The following DNMT3B variants were observed in gnomAD, a reference collection of about 807,000 sequenced individuals.
DNMT3B encodes DNA (cytosine-5)-methyltransferase 3B.
In DNMT3B, 37 loss-of-function variants were observed where a neutral mutation model predicts 120.2. The ratio of observed to expected loss-of-function variants is 0.31; its 90% CI spans 0.24 to 0.40. DNMT3B has a LOEUF of 0.40. DNMT3B is among the 10% of genes least tolerant of loss of function. The pLI is 1.00. For synonymous variants in DNMT3B, 412 were observed against 442.8 expected, an observed-to-expected ratio of 0.93 and a Z score of 0.87; for missense variants, 878 against 1,137.3, an observed-to-expected ratio of 0.77 and a Z score of 3.28.
chr20:32,788,354 T>C (rs536324293), intron 6 of DNMT3B, among the ~76,000 whole-genome samples: 1 of 152,360 alleles, frequency 6.6e-6, no homozygotes, highest in East Asian at 1.9e-4. Flanking sequence ...GTCTGGGTCA[T>C]AGCTTAATTA....
At chr20:32,776,508 T>C (rs1227136017) in intron 1 of DNMT3B, among the ~76,000 whole-genome samples, 1 of 152,190 alleles carries the variant, frequency 6.6e-6, no homozygotes, top group East Asian at 1.9e-4. Context: ...CACCTGATGC[T>C]AATTTAATTT....
At chr20:32,800,115 G>T in intron 16 of DNMT3B, 38 bp from the exon 17 acceptor site, 1 of 1,613,832 alleles carries the variant, frequency 6.2e-7, no homozygotes, top group Non-Finnish European at 8.5e-7. Context: ...TGTGTGCTCA[G>T]CATCATTTAT....
At chr20:32,792,478 T>C (rs1273160586) in intron 8 of DNMT3B, 148 bp from the exon 9 acceptor site, 4 of 1,364,728 alleles carry the variant, frequency 2.9e-6, no homozygotes, top group Admixed American at 1.9e-5. Context: ...CCTTCCTCTG[T>C]CACATACCAC....
At chr20:32,771,650 A>C (rs1263666765) in intron 1 of DNMT3B, among the ~76,000 whole-genome samples, 1 of 151,702 alleles carries the variant, frequency 6.6e-6, no homozygotes, top group Non-Finnish European at 1.5e-5. Flanking sequence ...AAAAAAAAAA[A>C]AAAGGAGTGG....
chr20:32,762,506 C>G lies in DNMT3B; in HGVS notation c.-200C>G. 3.6e-6 allele frequency: 1 copy of G among 276,160 alleles called. No individual in the cohort carries two copies. Among genetic ancestry groups the G allele is most frequent in the South Asian group, 2.9e-5 (1 of 34,390 alleles). The allele number at this position is 276,160 out of a possible 1,614,324, so 17.1% of individuals were successfully genotyped here. A position where few individuals can be genotyped will look rare whatever the true frequency, so the allele number is the denominator to read the frequency against. ...CCGACGGACGGGACCGGCTCCCTGG[C>G]GGTCGGGCGAGCGGGCGGCAACGCT... On this transcript the variant is annotated 5_prime_UTR_variant, in exon 1 of 23. Coordinates refer to ENST00000328111, the MANE Select transcript of DNMT3B (RefSeq NM_006892.4).
At chr20:32,802,584 T>C in intron 20 of DNMT3B, 114 bp downstream of exon 20, 1 of 1,107,382 alleles carries the variant, frequency 9.0e-7, no homozygotes. Flanking sequence ...TAGTTATACT[T>C]GGATTTCAGA....
At position 32,798,593 on chromosome 20, in the gene DNMT3B, T is replaced by A; in HGVS notation, c.1624T>A (p.Trp542Arg). ...TGGCGTCCTGCGGCGCCGGAAGGAC[T>A]GGAACGTGCGCCTGCAGGCCTTCTT... The part of the protein sequence containing the change: ...CHGVLRRRKD[W>R]NVRLQAFFTS... Residue 542 changes from tryptophan (W) to arginine (R), a missense_variant, in exon 15 of 23, where the codon TGG (tryptophan) becomes AGG (arginine). This residue lies in a region of DNMT3B where 334 missense variants were observed against 518.8 expected (regional missense o/e 0.64). Transcript: ENST00000328111. 6.2e-7 allele frequency: 1 copy of A among 1,614,228 alleles called. No individual in the cohort carries two copies. Among genetic ancestry groups the A allele is most frequent in the Admixed American group, 1.7e-5 (1 of 60,038 alleles).
intron 1 of DNMT3B, among the ~76,000 whole-genome samples, chr20:32,778,204 C>T (rs541476871): frequency 4.6e-5 from 7 of 152,040 alleles, no homozygotes; most frequent in South Asian, 2.1e-4. Flanking sequence ...GGCGTGGTGG[C>T]GCATGCCTGT....
chr20:32,800,048 T>C (rs921784083), intron 16 of DNMT3B, 105 bp from the exon 17 acceptor site: 17 of 1,509,628 alleles, frequency 1.1e-5, no homozygotes, highest in Middle Eastern at 2.1e-4. Context: ...ACGCATGTGA[T>C]ACAGTCATGA....
chr20:32,767,176 G>A (rs1032248162), intron 1 of DNMT3B, among the ~76,000 whole-genome samples: 7 of 152,086 alleles, frequency 4.6e-5, no homozygotes, highest in Non-Finnish European at 1.0e-4. Flanking sequence ...GATTATAGGC[G>A]TGAGCCACCG....
rs202036976 is a variant in DNMT3B, at chr20:32,792,792, A to G, written c.1066+22A>G. 1.2e-4 allele frequency: 190 copies of G among 1,613,774 alleles called. 1 individual carries two copies. The Admixed American group carries it at 1.5e-3, about 13-fold the overall frequency. On this transcript the variant is annotated intron_variant, in intron 9 of 22. Coordinates refer to ENST00000328111, the MANE Select transcript of DNMT3B (RefSeq NM_006892.4). ...CCAGGTGGGAATGAGTCCCCATGGC[A>G]GCACCCGCTGCCTCTGCTGGTGGGA...
intron 1 of DNMT3B, among the ~76,000 whole-genome samples, chr20:32,766,430 G>T (rs903537258): frequency 2.1e-4 from 32 of 151,774 alleles, no homozygotes; most frequent in Non-Finnish European, 1.0e-4. Flanking sequence ...GGCTAACCTT[G>T]AAAGCCTGGG....
Position 32,784,859 on chromosome 20 carries a change from T to C in DNMT3B, c.306T>C (p.Ala102=), listed in dbSNP as rs954143418. 1.2e-6 allele frequency: 2 copies of C among 1,613,956 alleles called. No individual in the cohort carries two copies. The highest frequency in any genetic ancestry group is 2.7e-5 in the African/African-American group (2 of 74,896). The change falls in exon 4 of 23, where the codon GCT becomes GCC. Residue 102 remains alanine (A), a splice_region_variant and synonymous_variant. Coordinates refer to ENST00000328111, the MANE Select transcript of DNMT3B (RefSeq NM_006892.4). ...CCAGGACTCGTTCAGAAAGCCCAGC[T>C]GTAAGTAGCCACACCTCGAGCCAAA... ...RETRTRSESP[A]VRTRNNNSVS... is the part of the protein sequence containing the mutation.
Position 32,787,460 on chromosome 20 carries a change from G to A in DNMT3B, c.654+9G>A, listed in dbSNP as rs1452971065. The A allele has an allele frequency of 1.2e-5, 20 of 1,611,146 alleles. No individual in the cohort carries two copies. The highest frequency in any genetic ancestry group is 1.7e-5 in the Admixed American group (1 of 59,522). ...ACAGTTCAGAGTATCAGGTATGGCC[G>A]AGAGGGGCTCCTGCCCAGGGTGACT... is the stretch of plus-strand genomic sequence containing the variant. On this transcript the variant is annotated intron_variant, in intron 6 of 22. Coordinates refer to ENST00000328111, the MANE Select transcript of DNMT3B (RefSeq NM_006892.4).
At chr20:32,805,874 G>A (rs531485506) in intron 21 of DNMT3B, among the ~76,000 whole-genome samples, 2 of 152,142 alleles carry the variant, frequency 1.3e-5, no homozygotes, top group African/African-American at 4.8e-5. Context: ...AGGAACTCTG[G>A]TGTCTTCTTG....
At chr20:32,771,183 C>T (rs2145860093) in intron 1 of DNMT3B, among the ~76,000 whole-genome samples, 1 of 152,284 alleles carries the variant, frequency 6.6e-6, no homozygotes, top group South Asian at 2.1e-4. Context: ...CATGTTGAAA[C>T]AACTAAAAAT....
chr20:32,793,541 A>G lies in DNMT3B; in HGVS notation c.1072A>G (p.Asn358Asp), dbSNP rs1980240489. The G allele has an allele frequency of 1.9e-6, 3 of 1,614,206 alleles. No individual in the cohort carries two copies. Among genetic ancestry groups the G allele is most frequent in the Non-Finnish European group, 2.5e-6 (3 of 1,180,036 alleles). ...TTTTGTTTTCCCCTCAAAAGTGGTTAATAAGTCGAAGGTGCGTCGTGCAGG... is the reference window on the plus strand; with the variant it reads ...TTTTGTTTTCCCCTCAAAAGTGGTTGATAAGTCGAAGGTGCGTCGTGCAGG... ...LKPNNTQPVV[N>D]KSKVRRAGSR... Residue 358 changes from asparagine (N) to aspartate (D), a missense_variant, in exon 10 of 23, where the codon AAT (asparagine) becomes GAT (aspartate). Physicochemically the swap from Asn to Asp is conservative, Grantham distance 23. This residue lies in a region of DNMT3B where 207 missense variants were observed against 222.6 expected (regional missense o/e 0.93). Transcript: ENST00000328111.
At position 32,780,616 on chromosome 20, in the gene DNMT3B, C is replaced by G. The variant is rs189508107; in HGVS notation, c.142+151C>G. On this transcript the variant is annotated intron_variant, in intron 2 of 22. Coordinates refer to ENST00000328111, the MANE Select transcript of DNMT3B (RefSeq NM_006892.4). ...GCTCTAGCAAGGAGGGATGCAGGGT[C>G]GAGCCCTTCACACCTGCCCGCAGCC... The G allele has an allele frequency of 2.3e-6, 3 of 1,319,672 alleles. No individual in the cohort carries two copies. In the East Asian group the frequency reaches 7.6e-5, roughly 33 times the overall value. The allele number at this position is 1,319,672 out of a possible 1,614,324, so 81.7% of individuals were successfully genotyped here.
chr20:32,764,183 G>A (rs1048012435), intron 1 of DNMT3B, among the ~76,000 whole-genome samples: 9 of 152,152 alleles, frequency 5.9e-5, no homozygotes, highest in Non-Finnish European at 1.3e-4. Context: ...ACCCTGTCTC[G>A]CCAAGTTCAT....
Sources: allele counts gnomAD v4.1 joint callset (sites outside exome capture counted in the v4.1 genomes callset), GRCh38; gene constraint gnomAD v4.1.1; regional missense constraint gnomAD v4.1.1; transcripts MANE v1.5; gene names NCBI Gene and HGNC (gene_info 2026-07-23, HGNC 2026-07-21).